Variants in METTL21C observed in about 807,000 individuals in gnomAD.
METTL21C encodes the protein protein-lysine methyltransferase METTL21C.
METTL21C carries 21 observed loss-of-function variants against 25.9 expected under a neutral mutation model. The observed-to-expected ratio is 0.81, with a 90% CI of 0.58 to 1.17. The LOEUF (loss-of-function observed/expected upper bound fraction) is 1.17. METTL21C is among the 50% of genes most tolerant of loss of function. The probability of loss-of-function intolerance (pLI) is 0.00; values close to 1 mark genes in which losing one functional copy is unlikely to be tolerated. For missense variants in METTL21C, 312 were observed against 315.1 expected (o/e 0.99, Z 0.07); for synonymous variants, 125 against 124.7 (o/e 1.00, Z -0.01).
chr13:102,687,123 G>A, intron 2 of METTL21C, 66 bp from the exon 3 acceptor site: 1 of 1,200,908 alleles, frequency 8.3e-7, no homozygotes, highest in Non-Finnish European at 1.2e-6. Flanking sequence ...AACCCTTTCT[G>A]GCACCCAAAT....
the METTL21C span, among the ~76,000 whole-genome samples, chr13:102,702,609 C>A: frequency 6.7e-6 from 1 of 148,706 alleles, no homozygotes; most frequent in African/African-American, 2.5e-5. Flanking sequence ...TTTTTTGAGA[C>A]GGAGTCTCGC....
chr13:102,693,190 T>C (rs947106172), intron 1 of METTL21C, among the ~76,000 whole-genome samples: 1 of 152,170 alleles, frequency 6.6e-6, no homozygotes, highest in African/African-American at 2.4e-5. Flanking sequence ...AGCATAGATA[T>C]TAGGAAGAGG....
At position 102,686,430 on chromosome 13, in the gene METTL21C, G is replaced by C. The variant is rs926587292; in HGVS notation, c.401-5C>G. ...CTGTTGCTGTGACTTGAGCTCCTAA[G>C]AGAAAAAGAAAACAATGACCTGGAA... On this transcript the variant is annotated splice_region_variant and splice_polypyrimidine_tract_variant and intron_variant, in intron 3 of 3. Transcript: ENST00000267273. 6.2e-7 allele frequency: 1 copy of C among 1,600,936 alleles called. No homozygotes were observed. The highest frequency in any genetic ancestry group is 1.4e-5 in the African/African-American group (1 of 74,006).
the METTL21C span, among the ~76,000 whole-genome samples, chr13:102,702,226 GAC>G: frequency 3.5e-5 from 5 of 143,580 alleles, no homozygotes; most frequent in African/African-American, 1.5e-4. Flanking sequence ...GAGAGAGAGA[GAC>G]AGAAAGAGAG....
chr13:102,692,652 T>C (rs1885861251), intron 1 of METTL21C, among the ~76,000 whole-genome samples: 1 of 152,234 alleles, frequency 6.6e-6, no homozygotes, highest in African/African-American at 2.4e-5. Context: ...TGTTTTAGCC[T>C]GTGACTTTGA....
intron 1 of METTL21C, among the ~76,000 whole-genome samples, chr13:102,692,616 T>C (rs147499440): frequency 0.012 from 1,777 of 152,312 alleles, 37 homozygotes; most frequent in African/African-American, 0.04. Context: ...ATTAGCATCA[T>C]GGGTGCCTTC....
chr13:102,691,879 GA>G (rs1021223504), intron 1 of METTL21C, among the ~76,000 whole-genome samples: 5 of 152,208 alleles, frequency 3.3e-5, no homozygotes, highest in African/African-American at 9.7e-5. Flanking sequence ...AAAATGAGAG[GA>G]AAAGAGCACC....
intron 2 of METTL21C, among the ~76,000 whole-genome samples, chr13:102,690,200 C>G (rs777089401): frequency 6.6e-6 from 1 of 152,096 alleles, no homozygotes; most frequent in Admixed American, 6.5e-5. Context: ...GTGGGCAGAT[C>G]ACTTGAGGTC....
At chr13:102,700,425 T>C in the METTL21C span, among the ~76,000 whole-genome samples, 1 of 152,376 alleles carries the variant, frequency 6.6e-6, no homozygotes. Context: ...AAAGAAATTT[T>C]ATTGTAATTT....
chr13:102,686,758 C>T (rs774242089), intron 3 of METTL21C, among the ~76,000 whole-genome samples, 182 bp downstream of exon 3: 26 of 152,184 alleles, frequency 1.7e-4, no homozygotes, highest in Admixed American at 3.9e-4. Context: ...GTTTATTAAC[C>T]TCTCTGAGAC....
At chr13:102,687,256 A>T (rs943401127) in intron 2 of METTL21C, among the ~76,000 whole-genome samples, 199 bp from the exon 3 acceptor site, 1 of 152,226 alleles carries the variant, frequency 6.6e-6, no homozygotes, top group African/African-American at 2.4e-5. Flanking sequence ...CATCTCAGGA[A>T]CTGGGGAAAA....
At chr13:102,690,735 A>G (rs1051986991) in intron 2 of METTL21C, 78 bp downstream of exon 2, 1 of 1,525,048 alleles carries the variant, frequency 6.6e-7, no homozygotes, top group South Asian at 1.3e-5. Flanking sequence ...GAACTTGACA[A>G]ATTGTCCAAG....
intron 2 of METTL21C, among the ~76,000 whole-genome samples, chr13:102,688,683 G>C (rs1333040230): frequency 6.6e-6 from 1 of 152,126 alleles, no homozygotes; most frequent in Non-Finnish European, 1.5e-5. Context: ...GCTGGGAGGA[G>C]GGGGTCAATG....
intron 2 of METTL21C, among the ~76,000 whole-genome samples, chr13:102,690,471 G>A (rs530550616): frequency 8.2e-4 from 124 of 151,754 alleles, no homozygotes; most frequent in African/African-American, 2.4e-3. Context: ...GTCGATGGGC[G>A]TGGCTCGGAG....
rs748941204 is a variant in METTL21C, at chr13:102,690,828, C to CG, written c.266dup (p.Val90GlyfsTer29). The CG allele has an allele frequency of 6.2e-7, 1 of 1,614,078 alleles. No homozygotes were observed. Among genetic ancestry groups the CG allele is most frequent in the Non-Finnish European group, 8.5e-7 (1 of 1,179,992 alleles). On this transcript the variant is annotated frameshift_variant, in exon 2 of 4. Coordinates refer to ENST00000267273, the MANE Select transcript of METTL21C (RefSeq NM_001010977.3). LOFTEE classifies it high-confidence loss of function. Reference sequence around the variant, plus strand: ...GTTCTCTCACCCCTGGCCACACCACCGCTCCGTAACTCTCTATGGATTCCT... The same window carrying CG: ...GTTCTCTCACCCCTGGCCACACCACCGGCTCCGTAACTCTCTATGGATTCCT...
chr13:102,691,322 G>A (rs945104114), intron 1 of METTL21C, among the ~76,000 whole-genome samples: 2 of 151,524 alleles, frequency 1.3e-5, no homozygotes, highest in Non-Finnish European at 2.9e-5. Flanking sequence ...TCTGGATACA[G>A]AGGAACTAGG....
At position 102,690,891 on chromosome 13, in the gene METTL21C, C is replaced by T; in HGVS notation, c.204G>A (p.Gln68=). ...FVPTDYASYT[Q]EHYRFAGKEI... ...CCTTTCCTGCAAACCGATAATGCTC[C>T]TGAGTGTAGCTGGCGTAATCTGTAG... The change falls in exon 2 of 4, where the codon CAG becomes CAA. Residue 68 remains glutamine (Q), a synonymous_variant. Transcript: ENST00000267273. The T allele has an allele frequency of 6.2e-7, 1 of 1,614,106 alleles. No homozygotes were observed. Among genetic ancestry groups the T allele is most frequent in the East Asian group, 2.2e-5 (1 of 44,862 alleles).
At chr13:102,687,172 T>A in intron 2 of METTL21C, 115 bp from the exon 3 acceptor site, 1 of 755,532 alleles carries the variant, frequency 1.3e-6, no homozygotes, top group South Asian at 1.7e-5. Context: ...ATGTTCAGTT[T>A]ATATTCATAA....
the METTL21C span, among the ~76,000 whole-genome samples, chr13:102,700,731 T>G: frequency 5.3e-5 from 8 of 152,160 alleles, no homozygotes; most frequent in Admixed American, 4.6e-4. Context: ...AATGTATCAG[T>G]GTGGAAACAC....
Sources: allele counts gnomAD v4.1 joint callset (sites outside exome capture counted in the v4.1 genomes callset), GRCh38; gene constraint gnomAD v4.1.1; transcripts MANE v1.5; gene names NCBI Gene and HGNC (gene_info 2026-07-23, HGNC 2026-07-21).